CC2D1A: variants seen among roughly 807,000 people sequenced by gnomAD.
CC2D1A encodes coiled-coil and C2 domain containing 1A.
Under a neutral mutation model 123.8 loss-of-function variants are expected in CC2D1A, and 68 were observed. The observed-to-expected ratio is 0.55, with a 90% CI of 0.45 to 0.67. The LOEUF is 0.67. Among genes scored for constraint, CC2D1A ranks in the 30% least tolerant of loss-of-function variants. The pLI is 0.00. For missense variants in CC2D1A, 1,185 were observed against 1,290.3 expected (o/e 0.92, Z 1.25); for synonymous variants, 477 against 528.0 (o/e 0.90, Z 1.32).
At chr19:13,924,124 A>G (rs905024284) in intron 17 of CC2D1A, among the ~76,000 whole-genome samples, 3 of 152,128 alleles carry the variant, frequency 2.0e-5, no homozygotes, top group Non-Finnish European at 2.9e-5. Flanking sequence ...TCTTGGTACT[A>G]TCAAGTCTTC....
intron 2 of CC2D1A, among the ~76,000 whole-genome samples, chr19:13,912,025 ATT>A: frequency 6.6e-6 from 1 of 151,324 alleles, no homozygotes; most frequent in East Asian, 1.9e-4. Context: ...TAATTTTTGT[ATT>A]TTTAGTAGAG....
rs543315784 is a variant in CC2D1A, at chr19:13,924,226, AGGG to A, written c.1940+417_1940+419del. Among the ~76,000 whole-genome samples the A allele has an allele frequency of 5.6e-4, 84 of 150,064 alleles. 1 individual carries two copies. The South Asian group carries it at 0.017, about 31-fold the overall frequency. ...CACTCTGTTGCCCAGGCTGGAGTGCAGGGGTGTGATCTCTGCTCACTGCAAGCT... is the reference window on the plus strand; with the variant it reads ...CACTCTGTTGCCCAGGCTGGAGTGCAGTGTGATCTCTGCTCACTGCAAGCT... On this transcript the variant is annotated intron_variant, in intron 17 of 28. Coordinates refer to ENST00000318003, the MANE Select transcript of CC2D1A (RefSeq NM_017721.5).
rs530214637 is a variant in CC2D1A, at chr19:13,924,806, C to T, written c.1940+995C>T. 5.3e-5 allele frequency among the ~76,000 whole-genome samples: 8 copies of T among 152,244 alleles called. No homozygotes were observed. In the East Asian group the frequency reaches 7.7e-4, roughly 15 times the overall value. On this transcript the variant is annotated intron_variant, in intron 17 of 28. Coordinates refer to ENST00000318003, the MANE Select transcript of CC2D1A (RefSeq NM_017721.5). ...AGGTTAGGTGCAGCCACTAGCCCTC[C>T]GGTGGTTCCCAGCTGCCCTTGGGAT...
Position 13,923,520 on chromosome 19 carries a change from C to T in CC2D1A, c.1765-28C>T, listed in dbSNP as rs1163611570. On this transcript the variant is annotated intron_variant, in intron 15 of 28. Transcript: ENST00000318003. This position sits in a 1 kb window ranked among gnomAD's most constrained non-coding sequence, Gnocchi z 5.3. Reference sequence around the variant, plus strand: ...CCCTCCTTCCCCTCTCTTCCCTTCCCTCGACTCACTGCCTTCTGTTTCCCC... The same window carrying T: ...CCCTCCTTCCCCTCTCTTCCCTTCCTTCGACTCACTGCCTTCTGTTTCCCC... 1.2e-6 allele frequency: 2 copies of T among 1,614,176 alleles called. No individual in the cohort carries two copies. Among genetic ancestry groups the T allele is most frequent in the Admixed American group, 1.7e-5 (1 of 60,006 alleles).
At chr19:13,915,542 CT>C (rs1971176397) in intron 6 of CC2D1A, among the ~76,000 whole-genome samples, 1 of 152,194 alleles carries the variant, frequency 6.6e-6, no homozygotes, top group African/African-American at 2.4e-5. Context: ...GCCACCACCC[CT>C]GGCCTCAACA....
At position 13,912,428 on chromosome 19, in the gene CC2D1A, A is replaced by G. The variant is rs768857264; in HGVS notation, c.302A>G (p.Asp101Gly). The change falls in exon 3 of 29, where the codon GAT (aspartate) becomes GGT (glycine). Residue 101 changes from aspartate to glycine, a missense_variant. Physicochemically the swap from Asp to Gly is moderately conservative, Grantham distance 94 (BLOSUM62 -1). Transcript: ENST00000318003. ...GATGAGGACGACTTGGAGGCTGATG[A>G]TGACCTGCTGGTGAGCACTGAGGGC... ...GTDEDDLEAD[D>G]DLLAELNEVL... is the part of the protein sequence containing the mutation. The G allele has an allele frequency of 6.2e-7, 1 of 1,613,848 alleles. No homozygotes were observed. Among genetic ancestry groups the G allele is most frequent in the Admixed American group, 1.7e-5 (1 of 59,944 alleles).
Position 13,930,296 on chromosome 19 carries a change from A to C in CC2D1A, c.2835+7A>C. The C allele has an allele frequency of 1.2e-6, 2 of 1,613,894 alleles. No homozygotes were observed. The highest frequency in any genetic ancestry group is 1.7e-6 in the Non-Finnish European group (2 of 1,179,862). ...GAATCTGGTAGAGAGTGAGGTAAGCAGCTTAGGAGATGGGGTGGTTGGGGG... is the reference window on the plus strand; with the variant it reads ...GAATCTGGTAGAGAGTGAGGTAAGCCGCTTAGGAGATGGGGTGGTTGGGGG... On this transcript the variant is annotated splice_region_variant and intron_variant, in intron 28 of 28. Transcript: ENST00000318003. This position sits in a 1 kb window ranked among gnomAD's most constrained non-coding sequence, Gnocchi z 6.8.
chr19:13,909,862 A>G lies in CC2D1A; in HGVS notation c.100A>G (p.Ile34Val), dbSNP rs1970932732. The stretch of plus-strand genomic sequence containing the variant: ...TGACCTCTCCCCAGATGGCCTGATG[A>G]TCCCTGAGGACGGGGCTAACGATGA... ...LVDLSPDGLM[I>V]PEDGANDEEL... Residue 34 changes from isoleucine to valine, a missense_variant, in exon 2 of 29, where the codon ATC becomes GTC. Transcript: ENST00000318003. 4 of 1,579,942 alleles carry G rather than the reference A, an allele frequency of 2.5e-6. No individual in the cohort carries two copies. The African/African-American group carries it at 5.4e-5, about 21-fold the overall frequency.
In CC2D1A at chr19:13,920,680, C is replaced by G; in HGVS notation, c.1468+12C>G. 1 of 1,606,546 alleles carries G rather than the reference C, an allele frequency of 6.2e-7. No individual in the cohort carries two copies. Among genetic ancestry groups the G allele is most frequent in the Non-Finnish European group, 8.5e-7 (1 of 1,176,040 alleles). On this transcript the variant is annotated intron_variant, in intron 13 of 28. Transcript: ENST00000318003. ...CACATCCACCAGAGGTAAGTTCCCC[C>G]TCCCCGCCCCAGCTGCCTGTTGCCT...
Position 13,921,091 on chromosome 19 carries a change from A to G in CC2D1A, c.1641+169A>G, listed in dbSNP as rs111891977. Among the ~76,000 whole-genome samples the G allele has an allele frequency of 6.4e-3, 982 of 152,344 alleles. 3 individuals carry two copies. The highest frequency in any genetic ancestry group is 0.023 in the African/African-American group (940 of 41,566). Reference sequence around the variant, plus strand: ...GACAGACATTTATTATGTTTCTTGCATGTACCACCCAGGGCAGTCTGGGCT... The same window carrying G: ...GACAGACATTTATTATGTTTCTTGCGTGTACCACCCAGGGCAGTCTGGGCT... On this transcript the variant is annotated intron_variant, in intron 14 of 28. Coordinates refer to ENST00000318003, the MANE Select transcript of CC2D1A (RefSeq NM_017721.5).
intron 6 of CC2D1A, among the ~76,000 whole-genome samples, chr19:13,914,080 G>T (rs140791094): frequency 6.6e-6 from 1 of 151,872 alleles, no homozygotes; most frequent in South Asian, 2.1e-4. Context: ...GTTTCACCTT[G>T]TTGGCCAGGC....
chr19:13,918,463 C>A (rs748365267), intron 7 of CC2D1A, 41 bp from the exon 8 acceptor site: 31 of 1,589,268 alleles, frequency 2.0e-5, no homozygotes, highest in Non-Finnish European at 2.3e-5. Context: ...TCCAAGCCCC[C>A]AACTGCACCT....
intron 6 of CC2D1A, among the ~76,000 whole-genome samples, chr19:13,917,731 C>A (rs764261728): frequency 9.2e-5 from 14 of 151,490 alleles, no homozygotes; most frequent in Non-Finnish European, 2.1e-4. Flanking sequence ...ATAATCCCAG[C>A]ACTTTGGGAG....
Position 13,926,658 on chromosome 19 carries a change from T to G in CC2D1A, c.2015-9T>G. On this transcript the variant is annotated splice_polypyrimidine_tract_variant and intron_variant, in intron 18 of 28. Transcript: ENST00000318003. ...TCTCTGCCCAGCTCTGACCGTTGTT[T>G]GCCCACAGGACTGTCCCCTGGCGAT... 1 of 1,614,174 alleles carries G rather than the reference T, an allele frequency of 6.2e-7. No individual in the cohort carries two copies. Among genetic ancestry groups the G allele is most frequent in the Non-Finnish European group, 8.5e-7 (1 of 1,180,020 alleles).
At position 13,910,386 on chromosome 19, in the gene CC2D1A, C is replaced by T. The variant is rs538683206; in HGVS notation, c.196+428C>T. On this transcript the variant is annotated intron_variant, in intron 2 of 28. Coordinates refer to ENST00000318003, the MANE Select transcript of CC2D1A (RefSeq NM_017721.5). Reference sequence around the variant, plus strand: ...TCGCACCACTGCGCTACAGCCTGGGCGACAGAGCAAGACTCCGTCTCAAAA... The same window carrying T: ...TCGCACCACTGCGCTACAGCCTGGGTGACAGAGCAAGACTCCGTCTCAAAA... Among the ~76,000 whole-genome samples the T allele has an allele frequency of 6.3e-4, 81 of 128,204 alleles. 1 individual carries two copies. The South Asian group carries it at 0.017, about 27-fold the overall frequency. The allele number at this position is 128,204 out of a possible 152,430, so 84.1% of individuals were successfully genotyped here. A position where few individuals can be genotyped will look rare whatever the true frequency, so the allele number is the denominator to read the frequency against.
chr19:13,917,330 G>A (rs530777511), intron 6 of CC2D1A, among the ~76,000 whole-genome samples: 12 of 152,076 alleles, frequency 7.9e-5, no homozygotes, highest in Non-Finnish European at 1.6e-4. Context: ...AAACCAGCCG[G>A]GCATGCAGGT....
chr19:13,920,735 C>T lies in CC2D1A; in HGVS notation c.1469-15C>T. The T allele has an allele frequency of 6.2e-7, 1 of 1,612,650 alleles. No homozygotes were observed. The highest frequency in any genetic ancestry group is 8.5e-7 in the Non-Finnish European group (1 of 1,179,262). On this transcript the variant is annotated splice_polypyrimidine_tract_variant and intron_variant, in intron 13 of 28. Transcript: ENST00000318003. ...GTGGCCTGGGCAGCACCCATAGCAG[C>T]TCCTATGCCCACAGCCCAGCAGCAG...
intron 14 of CC2D1A, among the ~76,000 whole-genome samples, chr19:13,921,156 C>A (rs139018361): frequency 6.6e-6 from 1 of 152,244 alleles, no homozygotes; most frequent in Non-Finnish European, 1.5e-5. Flanking sequence ...GTTTCTTCCA[C>A]CTTATTGCTT....
chr19:13,924,465 C>T (rs1218548497), intron 17 of CC2D1A, among the ~76,000 whole-genome samples: 2 of 151,864 alleles, frequency 1.3e-5, no homozygotes, highest in African/African-American at 2.4e-5. Context: ...CCACCACTCC[C>T]GGCCTTTTTT....
Sources: allele counts gnomAD v4.1 joint callset (sites outside exome capture counted in the v4.1 genomes callset), GRCh38; gene constraint gnomAD v4.1.1; non-coding constraint Gnocchi (gnomAD v3.1); transcripts MANE v1.5; gene names NCBI Gene and HGNC (gene_info 2026-07-23, HGNC 2026-07-21).